TTC29: variants seen among roughly 807,000 people sequenced by gnomAD.
TTC29 encodes the protein tetratricopeptide repeat protein 29.
A neutral mutation model predicts 58.1 loss-of-function variants in TTC29; 49 were observed. The observed-to-expected ratio is 0.84, with a 90% CI of 0.67 to 1.07. The LOEUF is 1.07. TTC29 is among the 50% of genes least tolerant of loss of function. The pLI is 0.00. For missense variants in TTC29, 582 were observed against 555.6 expected, an observed-to-expected ratio of 1.05 and a Z score of -0.48; for synonymous variants, 209 against 196.8, an observed-to-expected ratio of 1.06 and a Z score of -0.52.
intron 8 of TTC29, among the ~76,000 whole-genome samples, chr4:146,837,460 A>G (rs1728584404): frequency 1.3e-5 from 2 of 152,112 alleles, no homozygotes; most frequent in African/African-American, 4.8e-5. Flanking sequence ...AAGTCTACCT[A>G]TATAACAATC....
chr4:146,888,436 G>A (rs1229736590), intron 6 of TTC29, among the ~76,000 whole-genome samples: 1 of 152,132 alleles, frequency 6.6e-6, no homozygotes, highest in Non-Finnish European at 1.5e-5. Context: ...ATGCTGGTCT[G>A]CCTGAGGTCA....
At chr4:146,940,272 T>C (rs538893347) in intron 2 of TTC29, among the ~76,000 whole-genome samples, 1 of 152,348 alleles carries the variant, frequency 6.6e-6, no homozygotes, top group Admixed American at 6.5e-5. Context: ...CCAATGTTTA[T>C]GTGTTGCTTT....
At position 146,728,827 on chromosome 4, in the gene TTC29, A is replaced by ATATATATGTATATATATATG. The variant is rs1554006107; in HGVS notation, c.1331-21277_1331-21276insCATATATATATACATATATA. 5.8e-3 allele frequency among the ~76,000 whole-genome samples: 391 copies of ATATATATGTATATATATATG among 67,722 alleles called. 3 individuals carry two copies. Among genetic ancestry groups the ATATATATGTATATATATATG allele is most frequent in the Non-Finnish European group, 9.6e-3 (298 of 31,030 alleles). The allele number at this position is 67,722 out of a possible 152,430, so 44.4% of individuals were successfully genotyped here. On this transcript the variant is annotated intron_variant, in intron 11 of 12. Transcript: ENST00000325106. Reference sequence around the variant, plus strand: ...TACACATATATATGTGTATATATACATATATATACACATATATATGTATAT... The same window carrying ATATATATGTATATATATATG: ...TACACATATATATGTGTATATATACATATATATGTATATATATATGTATATATACACATATATATGTATAT...
At chr4:146,939,772 T>C (rs763156501) in intron 3 of TTC29, 32 bp downstream of exon 3, 1 of 1,560,732 alleles carries the variant, frequency 6.4e-7, no homozygotes, top group Non-Finnish European at 8.7e-7. Context: ...ATTCCTTCTG[T>C]AGGAAAATAA....
chr4:146,733,014 A>G (rs1031831345), intron 11 of TTC29, among the ~76,000 whole-genome samples: 7 of 152,128 alleles, frequency 4.6e-5, no homozygotes, highest in Non-Finnish European at 7.4e-5. Flanking sequence ...CAAGGCAGCC[A>G]AAGGAATAGT....
At chr4:146,768,538 T>C (rs1208079816) in intron 11 of TTC29, among the ~76,000 whole-genome samples, 2 of 151,846 alleles carry the variant, frequency 1.3e-5, no homozygotes, top group Non-Finnish European at 2.9e-5. Flanking sequence ...AAAAGCAAAA[T>C]TAAAGAAAAA....
At chr4:146,843,278 T>C (rs898385012) in intron 8 of TTC29, among the ~76,000 whole-genome samples, 9 of 152,194 alleles carry the variant, frequency 5.9e-5, no homozygotes, top group African/African-American at 2.2e-4. Context: ...TTATCTTGAG[T>C]GGACACTGAG....
At chr4:146,923,112 T>A (rs903722208) in intron 4 of TTC29, among the ~76,000 whole-genome samples, 1 of 151,852 alleles carries the variant, frequency 6.6e-6, no homozygotes, top group Non-Finnish European at 1.5e-5. Flanking sequence ...CAAGTAACCA[T>A]TGTAATTTCT....
chr4:146,910,557 T>A (rs1733829543), intron 4 of TTC29, among the ~76,000 whole-genome samples: 2 of 151,830 alleles, frequency 1.3e-5, no homozygotes, highest in Non-Finnish European at 2.9e-5. Context: ...AGGGACCAGA[T>A]CATGAAGAGA....
At chr4:146,867,466 T>TA in intron 8 of TTC29, 32 bp downstream of exon 8, 1 of 1,080,296 alleles carries the variant, frequency 9.3e-7, no homozygotes. Context: ...AAATAAAAAT[T>TA]AAAAATGGCA....
intron 4 of TTC29, among the ~76,000 whole-genome samples, chr4:146,913,928 T>G (rs56321540): frequency 0.28 from 42,501 of 152,012 alleles, 6,457 homozygotes; most frequent in South Asian, 0.41. Context: ...AGATCATTCT[T>G]TACAGATGAT....
chr4:146,891,732 C>G (rs1732379539), intron 6 of TTC29, among the ~76,000 whole-genome samples: 2 of 152,150 alleles, frequency 1.3e-5, no homozygotes, highest in South Asian at 4.1e-4. Context: ...GCAGACAGAA[C>G]CATGCTGAGG....
intron 11 of TTC29, among the ~76,000 whole-genome samples, chr4:146,751,453 C>T (rs746104895): frequency 9.9e-5 from 15 of 152,148 alleles, no homozygotes; most frequent in Non-Finnish European, 2.2e-4. Context: ...ACAGACCATA[C>T]GTTAGGCCAC....
At chr4:146,813,011 T>C (rs1751127971) in intron 10 of TTC29, 1 of 152,244 alleles carries the variant, frequency 6.6e-6, no homozygotes, top group Non-Finnish European at 1.5e-5. Context: ...ATGTTATTAA[T>C]ATTCCTGATA....
At chr4:146,741,489 T>C (rs905858625) in intron 11 of TTC29, among the ~76,000 whole-genome samples, 4 of 141,988 alleles carry the variant, frequency 2.8e-5, no homozygotes, top group East Asian at 2.0e-4. Context: ...AAATTGTTCT[T>C]TTTTTTTTTT....
chr4:146,906,903 C>T (rs1733557049), intron 5 of TTC29, among the ~76,000 whole-genome samples: 1 of 152,168 alleles, frequency 6.6e-6, no homozygotes. Context: ...AGGAGAATCA[C>T]TTGAGGTTAG....
intron 11 of TTC29, among the ~76,000 whole-genome samples, chr4:146,783,023 T>G (rs1748734493): frequency 6.6e-6 from 1 of 152,018 alleles, no homozygotes; most frequent in Admixed American, 6.6e-5. Context: ...CTTGCATTTT[T>G]CAGATATAAA....
At chr4:146,715,044 C>G (rs1742827251) in intron 11 of TTC29, among the ~76,000 whole-genome samples, 1 of 152,088 alleles carries the variant, frequency 6.6e-6, no homozygotes, top group African/African-American at 2.4e-5. Context: ...TGTTTCATTG[C>G]CTACTCTGCT....
chr4:146,782,204 A>C (rs1349878318), intron 11 of TTC29, among the ~76,000 whole-genome samples: 2 of 151,594 alleles, frequency 1.3e-5, no homozygotes, highest in South Asian at 4.1e-4. Flanking sequence ...ATTGTAGTAC[A>C]TTTTTTCACT....
Sources: allele counts gnomAD v4.1 joint callset (sites outside exome capture counted in the v4.1 genomes callset), GRCh38; gene constraint gnomAD v4.1.1; transcripts MANE v1.5; gene names NCBI Gene and HGNC (gene_info 2026-07-23, HGNC 2026-07-21).